Variants in DENND1A observed in about 807,000 individuals in gnomAD.
DENND1A encodes the protein DENN domain-containing protein 1A.
Under a neutral mutation model 113.7 loss-of-function variants are expected in DENND1A, and 51 were observed. The ratio of observed to expected loss-of-function variants is 0.45; its 90% CI spans 0.36 to 0.57. The LOEUF is 0.57. DENND1A is among the 20% of genes least tolerant of loss of function. DENND1A has a pLI of 0.00. For synonymous variants in DENND1A, 565 were observed against 570.8 expected, an observed-to-expected ratio of 0.99 and a Z score of 0.14; for missense variants, 1,258 against 1,395.9, an observed-to-expected ratio of 0.90 and a Z score of 1.57.
chr9:123,602,027 C>G (rs73580119), intron 11 of DENND1A, among the ~76,000 whole-genome samples: 1 of 152,096 alleles, frequency 6.6e-6, no homozygotes, highest in Non-Finnish European at 1.5e-5. Context: ...TGGGAGGGTA[C>G]GCAGATCAGA....
At chr9:123,814,738 A>G (rs1837184115) in intron 2 of DENND1A, among the ~76,000 whole-genome samples, 1 of 152,162 alleles carries the variant, frequency 6.6e-6, no homozygotes, top group African/African-American at 2.4e-5. Flanking sequence ...ATTACTCTCC[A>G]ATTCACACAA....
At chr9:123,875,341 G>C (rs1458639985) in intron 2 of DENND1A, among the ~76,000 whole-genome samples, 4 of 152,106 alleles carry the variant, frequency 2.6e-5, no homozygotes, top group Non-Finnish European at 5.9e-5. Context: ...GCTTAGGCAA[G>C]GGTTCAAATA....
intron 18 of DENND1A, among the ~76,000 whole-genome samples, chr9:123,446,375 T>C (rs2047306687): frequency 6.6e-6 from 1 of 152,164 alleles, no homozygotes; most frequent in Non-Finnish European, 1.5e-5. Context: ...AGTTGTGTGA[T>C]AAGGTGTGAA....
At chr9:123,677,714 G>A (rs553734081) in intron 5 of DENND1A, among the ~76,000 whole-genome samples, 59 of 152,294 alleles carry the variant, frequency 3.9e-4, no homozygotes, top group Admixed American at 3.8e-3. Flanking sequence ...GATTATAGGC[G>A]TGAGCCACCT....
At chr9:123,871,149 T>C (rs966857973) in intron 2 of DENND1A, among the ~76,000 whole-genome samples, 3 of 152,088 alleles carry the variant, frequency 2.0e-5, no homozygotes, top group African/African-American at 7.2e-5. Context: ...AGTGGCACAA[T>C]CTTGGTTCAC....
Position 123,665,481 on chromosome 9 carries a change from T to C in DENND1A, c.507+1545A>G, listed in dbSNP as rs2063450578. Among the ~76,000 whole-genome samples the C allele has an allele frequency of 2.0e-5, 3 of 152,200 alleles. No individual in the cohort carries two copies. The South Asian group carries it at 6.2e-4, about 31-fold the overall frequency. On this transcript the variant is annotated intron_variant, in intron 8 of 23. Transcript: ENST00000394215. Reference sequence around the variant, plus strand: ...TACCACAGTCTGATCATACAGATAATATACTACATGGATATGCTTGATAAT... The same window carrying C: ...TACCACAGTCTGATCATACAGATAACATACTACATGGATATGCTTGATAAT...
intron 11 of DENND1A, among the ~76,000 whole-genome samples, chr9:123,595,576 G>A (rs1259004795): frequency 1.3e-5 from 2 of 152,042 alleles, no homozygotes; most frequent in South Asian, 2.1e-4. Flanking sequence ...TTCTCTCCCC[G>A]ACATGGTCCT....
chr9:123,394,063 C>G (rs2042993076), intron 21 of DENND1A, among the ~76,000 whole-genome samples: 1 of 151,818 alleles, frequency 6.6e-6, no homozygotes, highest in Non-Finnish European at 1.5e-5. Context: ...ACAATCTCGG[C>G]TCACTGCAAC....
At chr9:123,432,295 C>T (rs532853471) in intron 19 of DENND1A, among the ~76,000 whole-genome samples, 3 of 152,242 alleles carry the variant, frequency 2.0e-5, no homozygotes, top group African/African-American at 7.2e-5. Context: ...AGAAAGCTGT[C>T]TCTGGGCTAG....
chr9:123,522,576 C>T (rs1373435108), intron 13 of DENND1A, among the ~76,000 whole-genome samples: 1 of 152,150 alleles, frequency 6.6e-6, no homozygotes, highest in Non-Finnish European at 1.5e-5. Context: ...GAATAAAGGG[C>T]CATTTTGTTT....
chr9:123,389,055 T>C (rs1461038058), intron 21 of DENND1A, among the ~76,000 whole-genome samples: 3 of 152,178 alleles, frequency 2.0e-5, no homozygotes, highest in Admixed American at 6.5e-5. Context: ...ATGCTAGAAT[T>C]CTTTTGAGGG....
At chr9:123,516,884 CAAAAAAAAAAAAA>C (rs546001517) in intron 13 of DENND1A, among the ~76,000 whole-genome samples, 10 of 93,392 alleles carry the variant, frequency 1.1e-4, no homozygotes, top group African/African-American at 4.3e-4. Context: ...GACTCTGTCT[CAAAAAAAAAAAAA>C]AAAAAAAAAA....
intron 2 of DENND1A, among the ~76,000 whole-genome samples, chr9:123,845,036 T>C (rs1407858886): frequency 3.9e-5 from 6 of 152,092 alleles, no homozygotes; most frequent in Non-Finnish European, 2.9e-5. Context: ...CTGGCCAACA[T>C]GGCGAAACAC....
chr9:123,627,630 C>G (rs1027491071), intron 10 of DENND1A, among the ~76,000 whole-genome samples: 13 of 151,706 alleles, frequency 8.6e-5, no homozygotes, highest in African/African-American at 3.2e-4. Flanking sequence ...ATCCCAGCTA[C>G]TCAGGAGGCT....
At chr9:123,701,460 G>T (rs2065880013) in intron 5 of DENND1A, among the ~76,000 whole-genome samples, 1 of 152,054 alleles carries the variant, frequency 6.6e-6, no homozygotes, top group Admixed American at 6.5e-5. Flanking sequence ...CTTTGTCTAG[G>T]TCCCCAATAC....
intron 5 of DENND1A, among the ~76,000 whole-genome samples, chr9:123,723,966 A>G (rs577431076): frequency 6.6e-6 from 1 of 152,326 alleles, no homozygotes; most frequent in Admixed American, 6.5e-5. Flanking sequence ...GACTAAACCA[A>G]TATTTATTGA....
intron 9 of DENND1A, among the ~76,000 whole-genome samples, chr9:123,639,450 CT>C (rs1163353788): frequency 5.3e-5 from 6 of 112,166 alleles, no homozygotes; most frequent in Non-Finnish European, 1.1e-4. Context: ...CCCCAACCCC[CT>C]ACCAAAAAAA....
At chr9:123,578,547 A>G (rs759707979) in intron 12 of DENND1A, among the ~76,000 whole-genome samples, 1 of 152,194 alleles carries the variant, frequency 6.6e-6, no homozygotes, top group Non-Finnish European at 1.5e-5. Flanking sequence ...GTCTGGCCCC[A>G]AGCCTCTTTT....
intron 9 of DENND1A, among the ~76,000 whole-genome samples, chr9:123,640,829 T>A (rs1326074908): frequency 1.3e-5 from 2 of 152,194 alleles, no homozygotes; most frequent in Non-Finnish European, 2.9e-5. Flanking sequence ...CCCAAGGCCA[T>A]ATGGCTAGAA....
Sources: gnomAD v4.1 joint callset for allele counts (sites outside exome capture counted in the v4.1 genomes callset) on GRCh38, gnomAD v4.1.1 for gene constraint, MANE v1.5 for transcripts, NCBI Gene and HGNC (gene_info 2026-07-23, HGNC 2026-07-21) for gene names.